UIMC1: variants seen among roughly 807,000 people sequenced by gnomAD.
The protein encoded by UIMC1 is BRCA1-A complex subunit RAP80.
In UIMC1, 42 loss-of-function variants were observed where a neutral mutation model predicts 84.9. The observed-to-expected ratio is 0.49, with a 90% CI of 0.39 to 0.64. The LOEUF (loss-of-function observed/expected upper bound fraction) is 0.64, where lower values mean the gene tolerates loss of function less well. Among genes scored for constraint, UIMC1 ranks in the 30% least tolerant of loss-of-function variants. UIMC1 has a pLI of 0.00. For missense variants in UIMC1, 825 were observed against 847.6 expected, an observed-to-expected ratio of 0.97 and a Z score of 0.33; for synonymous variants, 281 against 293.0, an observed-to-expected ratio of 0.96 and a Z score of 0.42.
In UIMC1 at chr5:176,919,294, A is replaced by C. The variant is rs1039480964; in HGVS notation, c.1598-7905T>G. Reference sequence around the variant, plus strand: ...AGTTCTTTATATATTCTGGATACTAAACCCTTAACATACATATGATTTGCA... The same window carrying C: ...AGTTCTTTATATATTCTGGATACTACACCCTTAACATACATATGATTTGCA... On this transcript the variant is annotated intron_variant, in intron 10 of 14. Coordinates refer to ENST00000511320, the MANE Select transcript of UIMC1 (RefSeq NM_001199298.2). 16 of 200,788 alleles carry C rather than the reference A, an allele frequency of 8.0e-5. No homozygotes were observed. In the Admixed American group the frequency reaches 9.2e-4, roughly 12 times the overall value. 12.4% of individuals were successfully genotyped at this position (200,788 alleles called of 1,614,324 possible).
At chr5:176,948,716 G>C (rs1459277959) in intron 9 of UIMC1, among the ~76,000 whole-genome samples, 1 of 152,196 alleles carries the variant, frequency 6.6e-6, no homozygotes, top group African/African-American at 2.4e-5. Flanking sequence ...TAGTGAATGA[G>C]TAAAGTGATT....
At chr5:176,992,475 A>G (rs1201389508) in intron 1 of UIMC1, among the ~76,000 whole-genome samples, 1 of 151,778 alleles carries the variant, frequency 6.6e-6, no homozygotes, top group Non-Finnish European at 1.5e-5. Flanking sequence ...AAAAAAAAAA[A>G]AGGTGACTAA....
intron 10 of UIMC1, among the ~76,000 whole-genome samples, chr5:176,927,653 A>G (rs1762540157): frequency 6.6e-6 from 1 of 152,136 alleles, no homozygotes; most frequent in Non-Finnish European, 1.5e-5. Flanking sequence ...GTGGGTGGTC[A>G]AGTTGGAGTG....
intron 9 of UIMC1, among the ~76,000 whole-genome samples, chr5:176,947,456 A>G (rs984985853): frequency 1.6e-3 from 247 of 152,208 alleles, no homozygotes; most frequent in African/African-American, 5.7e-3. Flanking sequence ...TTAACTCATC[A>G]TTTACATTAG....
At chr5:176,998,887 A>G (rs1334805567) in intron 1 of UIMC1, among the ~76,000 whole-genome samples, 5 of 152,146 alleles carry the variant, frequency 3.3e-5, no homozygotes, top group Non-Finnish European at 7.4e-5. Context: ...CGCTCATTTT[A>G]TAATTTAAAA....
intron 10 of UIMC1, among the ~76,000 whole-genome samples, chr5:176,921,448 T>C (rs760619325): frequency 1.3e-5 from 2 of 152,362 alleles, no homozygotes; most frequent in Non-Finnish European, 2.9e-5. Flanking sequence ...ACATCTTCAT[T>C]TGGTTATTCA....
At chr5:176,981,871 C>G (rs889148844) in intron 2 of UIMC1, among the ~76,000 whole-genome samples, 5 of 152,068 alleles carry the variant, frequency 3.3e-5, no homozygotes, top group Non-Finnish European at 7.4e-5. Context: ...GAGATGAGAC[C>G]TGCAGGCAGG....
At chr5:176,997,913 T>C (rs1351749233) in intron 1 of UIMC1, among the ~76,000 whole-genome samples, 2 of 152,132 alleles carry the variant, frequency 1.3e-5, no homozygotes, top group African/African-American at 4.8e-5. Context: ...AACATTCCCC[T>C]TCACCTAGTT....
chr5:176,968,679 T>C lies in UIMC1; in HGVS notation c.1076A>G (p.Glu359Gly), dbSNP rs770807975. ...AGATGCCCTAGACTCCTGCCTCTCCTCTTTGTCTTCATCTCCCATATCTTC... is the reference window on the plus strand; with the variant it reads ...AGATGCCCTAGACTCCTGCCTCTCCCCTTTGTCTTCATCTCCCATATCTTC... ...ISEDMGDEDK[E>G]ERQESRASDW... is the part of the protein sequence containing the mutation. The change falls in exon 6 of 15, where the codon GAG (glutamate) becomes GGG (glycine). Residue 359 changes from glutamate (E) to glycine (G), a missense_variant. Glu to Gly is a moderately conservative substitution (Grantham distance 98). Transcript: ENST00000511320. The C allele has an allele frequency of 6.2e-7, 1 of 1,614,186 alleles. No individual in the cohort carries two copies. The highest frequency in any genetic ancestry group is 8.5e-7 in the Non-Finnish European group (1 of 1,180,020).
At position 176,975,601 on chromosome 5, in the gene UIMC1, C is replaced by T. The variant is rs2149492541; in HGVS notation, c.148-121G>A. The T allele has an allele frequency of 3.6e-6, 3 of 839,522 alleles. No individual in the cohort carries two copies. The South Asian group carries it at 5.1e-5, about 14-fold the overall frequency. The allele number at this position is 839,522 out of a possible 1,614,324, so 52.0% of individuals were successfully genotyped here. Reference sequence around the variant, plus strand: ...GGAATTGGTGATTGTTATAAATATGCACATAAAACATTAGAAGATCCTTTT... The same window carrying T: ...GGAATTGGTGATTGTTATAAATATGTACATAAAACATTAGAAGATCCTTTT... On this transcript the variant is annotated intron_variant, in intron 2 of 14. Coordinates refer to ENST00000511320, the MANE Select transcript of UIMC1 (RefSeq NM_001199298.2).
intron 10 of UIMC1, among the ~76,000 whole-genome samples, chr5:176,918,566 C>T (rs952469697): frequency 6.6e-6 from 1 of 152,184 alleles, no homozygotes; most frequent in Admixed American, 6.5e-5. Context: ...CTAGCTGAGC[C>T]TATCATTAAT....
At chr5:176,949,091 T>C (rs1056898657) in intron 9 of UIMC1, among the ~76,000 whole-genome samples, 1 of 151,786 alleles carries the variant, frequency 6.6e-6, no homozygotes, top group Non-Finnish European at 1.5e-5. Context: ...TTTCCCCTTT[T>C]TAAAAAAATT....
chr5:176,936,647 A>G (rs1388749841), intron 10 of UIMC1, among the ~76,000 whole-genome samples: 1 of 151,890 alleles, frequency 6.6e-6, no homozygotes, highest in Non-Finnish European at 1.5e-5. Context: ...TCTCTCCCTT[A>G]CTTACTCTAA....
chr5:177,005,771 C>A (rs1775166644), intron 1 of UIMC1, among the ~76,000 whole-genome samples: 1 of 152,094 alleles, frequency 6.6e-6, no homozygotes, highest in Non-Finnish European at 1.5e-5. Flanking sequence ...GGTGTCATTT[C>A]TATATCTCGG....
intron 10 of UIMC1, among the ~76,000 whole-genome samples, chr5:176,911,789 C>T (rs560482763): frequency 3.3e-5 from 5 of 152,220 alleles, no homozygotes; most frequent in South Asian, 2.1e-4. Context: ...GATAGCCATC[C>T]GAGTGCCTAC....
chr5:176,950,315 G>A (rs1054797348), intron 9 of UIMC1, among the ~76,000 whole-genome samples: 8 of 150,530 alleles, frequency 5.3e-5, no homozygotes, highest in Admixed American at 4.6e-4. Flanking sequence ...GGCCAGGATG[G>A]TCTCAATCTC....
chr5:176,995,564 C>T (rs1277750334), intron 1 of UIMC1, among the ~76,000 whole-genome samples: 2 of 136,334 alleles, frequency 1.5e-5, no homozygotes, highest in African/African-American at 2.9e-5. Flanking sequence ...AAAAAAAAGG[C>T]CAGGCACGGT....
At chr5:176,913,008 C>T (rs1760466719) in intron 10 of UIMC1, among the ~76,000 whole-genome samples, 1 of 152,168 alleles carries the variant, frequency 6.6e-6, no homozygotes, top group South Asian at 2.1e-4. Flanking sequence ...TTCACTTCCC[C>T]CTAGGGAAAT....
intron 10 of UIMC1, among the ~76,000 whole-genome samples, chr5:176,912,497 A>AGT (rs1760363532): frequency 1.4e-5 from 2 of 143,910 alleles, no homozygotes; most frequent in Non-Finnish European, 3.0e-5. Context: ...TTTGAGACAT[A>AGT]GTCTCACTCT....
Sources: allele counts gnomAD v4.1 joint callset (sites outside exome capture counted in the v4.1 genomes callset), GRCh38; gene constraint gnomAD v4.1.1; transcripts MANE v1.5; gene names NCBI Gene and HGNC (gene_info 2026-07-23, HGNC 2026-07-21).